ERCC4: variants seen among roughly 807,000 people sequenced by gnomAD.
ERCC4 encodes ERCC excision repair 4, endonuclease catalytic subunit, also known as DNA repair endonuclease XPF.
Under a neutral mutation model 76.9 loss-of-function variants are expected in ERCC4, and 65 were observed. The observed-to-expected ratio is 0.84, with a 90% CI of 0.69 to 1.04. ERCC4 has a LOEUF of 1.04. ERCC4 is among the 50% of genes least tolerant of loss of function. ERCC4 has a pLI of 0.00. For synonymous variants in ERCC4, 463 were observed against 410.1 expected (o/e 1.13, Z -1.56); for missense variants, 1,214 against 1,128.2 (o/e 1.08, Z -1.09).
At chr16:13,925,009 A>G (rs2032047012) in intron 2 of ERCC4, among the ~76,000 whole-genome samples, 1 of 152,198 alleles carries the variant, frequency 6.6e-6, no homozygotes. Flanking sequence ...GGTGTGACTA[A>G]ATAGGAATAA....
Position 13,947,773 on chromosome 16 carries a change from G to A in ERCC4, c.2177G>A (p.Arg726His), listed in dbSNP as rs368096448. ...CTCACTCCAGAAATGTGCGTGGAGC[G>A]CAAGAGTATCAGTGATTTAATCGGC... Reference protein sequence around the residue: ...YILTPEMCVERKSISDLIGSL... With the variant: ...YILTPEMCVEHKSISDLIGSL... The change falls in exon 11 of 11, where the codon CGC (arginine) becomes CAC (histidine). Residue 726 changes from arginine (R) to histidine (H), a missense_variant. Arg to His is a conservative substitution (Grantham distance 29). Transcript: ENST00000311895. 50 of 1,614,106 alleles carry A rather than the reference G, an allele frequency of 3.1e-5. No homozygotes were observed. Among genetic ancestry groups the A allele is most frequent in the Admixed American group, 6.7e-5 (4 of 60,008 alleles).
chr16:13,945,070 G>A (rs2032489867), intron 10 of ERCC4, among the ~76,000 whole-genome samples: 1 of 152,156 alleles, frequency 6.6e-6, no homozygotes, highest in Non-Finnish European at 1.5e-5. Flanking sequence ...TGAGTTTTAG[G>A]CACCCCAGCT....
At chr16:13,926,487 C>A in intron 2 of ERCC4, 74 bp from the exon 3 acceptor site, 1 of 1,316,056 alleles carries the variant, frequency 7.6e-7, no homozygotes, top group Non-Finnish European at 1.1e-6. Flanking sequence ...CTTGTAAGTA[C>A]TTAAGAAAAA....
chr16:13,946,434 T>G (rs532350897), intron 10 of ERCC4, among the ~76,000 whole-genome samples: 166 of 152,338 alleles, frequency 1.1e-3, no homozygotes, highest in African/African-American at 3.9e-3. Context: ...ATGGTAAGTA[T>G]TTGTGTATGT....
intron 1 of ERCC4, 134 bp from the exon 2 acceptor site, chr16:13,921,897 A>G: frequency 1.6e-6 from 1 of 642,060 alleles, no homozygotes; most frequent in Non-Finnish European, 2.7e-6. Flanking sequence ...TACTATAAAG[A>G]AGTAACTTAG....
At position 13,935,750 on chromosome 16, in the gene ERCC4, T is replaced by A; in HGVS notation, c.1811+7T>A. ...GGCCTGGGAAACCTCTGAGGCAAGT[T>A]ATAAAGAATCACAGCTTTCAGTTGC... On this transcript the variant is annotated splice_region_variant and intron_variant, in intron 8 of 10. Transcript: ENST00000311895. 6.3e-7 allele frequency: 1 copy of A among 1,593,406 alleles called. No homozygotes were observed. Among genetic ancestry groups the A allele is most frequent in the Non-Finnish European group, 8.6e-7 (1 of 1,161,094 alleles).
intron 5 of ERCC4, chr16:13,931,190 G>A (rs763123706): frequency 3.0e-6 from 1 of 337,720 alleles, no homozygotes; most frequent in Non-Finnish European, 5.5e-6. Context: ...TGTTCTGGAA[G>A]TTTAGTTGTT....
chr16:13,951,030 T>C lies in ERCC4; in HGVS notation c.*2683T>C. 5.3e-6 allele frequency: 1 copy of C among 189,290 alleles called. No individual in the cohort carries two copies. The highest frequency in any genetic ancestry group is 1.1e-5 in the Non-Finnish European group (1 of 90,012). 11.7% of individuals were successfully genotyped at this position (189,290 alleles called of 1,614,324 possible). ...ATGAACAGTAATTTCTAATGAATTC[T>C]AAAATGGTCATTGTAAGTGAAAGCC... On this transcript the variant is annotated 3_prime_UTR_variant, in exon 11 of 11. Coordinates refer to ENST00000311895, the MANE Select transcript of ERCC4 (RefSeq NM_005236.3).
Position 13,922,118 on chromosome 16 carries a change from G to A in ERCC4, c.295G>A (p.Glu99Lys), listed in dbSNP as rs1387614987. The A allele has an allele frequency of 6.2e-7, 1 of 1,613,732 alleles. No individual in the cohort carries two copies. Among genetic ancestry groups the A allele is most frequent in the Non-Finnish European group, 8.5e-7 (1 of 1,179,636 alleles). The change falls in exon 2 of 11, where the codon GAA (glutamate) becomes AAA (lysine). Residue 99 changes from glutamate to lysine, a missense_variant. Physicochemically the swap from Glu to Lys is moderately conservative, Grantham distance 56 (BLOSUM62 1). Coordinates refer to ENST00000311895, the MANE Select transcript of ERCC4 (RefSeq NM_005236.3). Reference protein sequence around the residue: ...TNEITSNSRYEVYTQGGVIFA... With the variant: ...TNEITSNSRYKVYTQGGVIFA... ...TGAAATCACAAGCAACAGTCGCTAT[G>A]AAGTTTACACACAAGGTGGTGTTAT...
At position 13,937,877 on chromosome 16, in the gene ERCC4, G is replaced by T; in HGVS notation, c.1904+19G>T. ...TCATAAGGTAATACATAGAAAATCA[G>T]TATGAAAGCCCCAACTACATTGGAA... On this transcript the variant is annotated intron_variant, in intron 9 of 10. Transcript: ENST00000311895. 1 of 1,491,906 alleles carries T rather than the reference G, an allele frequency of 6.7e-7. No homozygotes were observed. The highest frequency in any genetic ancestry group is 9.4e-7 in the Non-Finnish European group (1 of 1,068,878). The allele number at this position is 1,491,906 out of a possible 1,614,324, so 92.4% of individuals were successfully genotyped here. A position where few individuals can be genotyped will look rare whatever the true frequency, so the allele number is the denominator to read the frequency against.
Position 13,922,177 on chromosome 16 carries a change from C to A in ERCC4, c.354C>A (p.Phe118Leu). 1 of 1,611,986 alleles carries A rather than the reference C, an allele frequency of 6.2e-7. No homozygotes were observed. The highest frequency in any genetic ancestry group is 1.7e-5 in the Admixed American group (1 of 59,996). Reference sequence around the variant, plus strand: ...CAAGTAGGATACTTGTGGTTGACTTCTTGACTGATAGAATACCTTCAGATT... The same window carrying A: ...CAAGTAGGATACTTGTGGTTGACTTATTGACTGATAGAATACCTTCAGATT... ...FATSRILVVD[F>L]LTDRIPSDLI... Residue 118 changes from phenylalanine (F) to leucine (L), a missense_variant, in exon 2 of 11, where the codon TTC (phenylalanine) becomes TTA (leucine). Transcript: ENST00000311895.
intron 4 of ERCC4, among the ~76,000 whole-genome samples, chr16:13,929,864 T>C (rs957841053): frequency 3.2e-4 from 48 of 152,206 alleles, no homozygotes; most frequent in African/African-American, 8.7e-4. Context: ...CTTGGGAGGC[T>C]GAGGCAGGAT....
At chr16:13,921,387 CTGA>C (rs1714133564) in intron 1 of ERCC4, among the ~76,000 whole-genome samples, 1 of 152,102 alleles carries the variant, frequency 6.6e-6, no homozygotes, top group Non-Finnish European at 1.5e-5. Context: ...TCGGACAAGT[CTGA>C]TGATCCCCTA....
chr16:13,935,693 T>C lies in ERCC4; in HGVS notation c.1761T>C (p.Phe587=), dbSNP rs1277495372. 3.7e-6 allele frequency: 6 copies of C among 1,614,182 alleles called. No homozygotes were observed. The highest frequency in any genetic ancestry group is 1.1e-5 in the South Asian group (1 of 91,076). ...TTCTTTATGACGCAGAGCTAACCTT[T>C]GTTCGGCAGCTTGAAATTTACAGGG... The part of the protein sequence containing the change: ...YVVLYDAELT[F]VRQLEIYRAS... Residue 587 remains phenylalanine (F), a synonymous_variant, in exon 8 of 11, where the codon TTT becomes TTC. Coordinates refer to ENST00000311895, the MANE Select transcript of ERCC4 (RefSeq NM_005236.3).
chr16:13,941,102 C>G (rs2141613724), intron 9 of ERCC4, among the ~76,000 whole-genome samples: 1 of 152,312 alleles, frequency 6.6e-6, no homozygotes, highest in South Asian at 2.1e-4. Context: ...TTCTACACAT[C>G]AAAGGACTCA....
chr16:13,921,885 G>A (rs1567241832), intron 1 of ERCC4, 146 bp from the exon 2 acceptor site: 1 of 620,996 alleles, frequency 1.6e-6, no homozygotes, highest in Admixed American at 2.9e-5. Context: ...GTTGGCTGAA[G>A]TTACTATAAA....
rs2032221127 is a variant in ERCC4 at position 13,933,424 on chromosome 16, T to G, written c.1103-768T>G. On this transcript the variant is annotated intron_variant, in intron 6 of 10. Coordinates refer to ENST00000311895, the MANE Select transcript of ERCC4 (RefSeq NM_005236.3). ...TTAAAGGTCTGTTTCAAAACTTAAC[T>G]GAGGCCGGGCGCGGTGGCTCATGCC... 9 of 153,254 alleles carry G rather than the reference T, an allele frequency of 5.9e-5. No homozygotes were observed. In the Admixed American group the frequency reaches 5.9e-4, roughly 10 times the overall value. The allele number at this position is 153,254 out of a possible 1,614,324, so 9.5% of individuals were successfully genotyped here.
intron 9 of ERCC4, among the ~76,000 whole-genome samples, chr16:13,940,688 A>G (rs527836692): frequency 6.6e-6 from 1 of 152,216 alleles, no homozygotes; most frequent in Non-Finnish European, 1.5e-5. Context: ...CATTTACGAT[A>G]AATCACATCG....
In ERCC4 at chr16:13,935,400, C is replaced by T. The variant is rs1367489461; in HGVS notation, c.1468C>T (p.Arg490Trp). 2.5e-6 allele frequency: 4 copies of T among 1,609,350 alleles called. No individual in the cohort carries two copies. The highest frequency in any genetic ancestry group is 3.4e-6 in the Non-Finnish European group (4 of 1,178,832). The change falls in exon 8 of 11, where the codon CGG becomes TGG. Residue 490 changes from arginine to tryptophan, a missense_variant. By Grantham distance (101) the Arg-to-Trp change is moderately radical (BLOSUM62 -3). Coordinates refer to ENST00000311895, the MANE Select transcript of ERCC4 (RefSeq NM_005236.3). ...TKERTLKKKK[R>W]KLTLTQMVGK... ...AGAAAGAACCCTCAAAAAGAAAAAA[C>T]GGAAGTTGACCTTAACTCAAATGGT...
Sources: gnomAD v4.1 joint callset for allele counts (sites outside exome capture counted in the v4.1 genomes callset) on GRCh38, gnomAD v4.1.1 for gene constraint, MANE v1.5 for transcripts, NCBI Gene and HGNC (gene_info 2026-07-23, HGNC 2026-07-21) for gene names.